CPS1: variants seen among roughly 807,000 people sequenced by gnomAD.
The protein encoded by CPS1 is carbamoyl-phosphate synthase 1.
In CPS1, 109 loss-of-function variants were observed where a neutral mutation model predicts 174.6. That is an observed-to-expected ratio of 0.62 (90% confidence interval 0.53 to 0.73). The LOEUF is 0.73. Ranked by LOEUF, CPS1 falls within the 30% of genes least tolerant of loss-of-function variation. The probability of loss-of-function intolerance (pLI) is 0.00; values close to 1 mark genes in which losing one functional copy is unlikely to be tolerated. For missense variants in CPS1, 1,689 were observed against 1,821.9 expected (o/e 0.93, Z 1.33); for synonymous variants, 637 against 632.0 (o/e 1.01, Z -0.12).
chr2:210,600,703 A>G lies in CPS1; in HGVS notation c.1698A>G (p.Ala566=), dbSNP rs2105840611. 2.5e-6 allele frequency: 4 copies of G among 1,611,992 alleles called. No individual in the cohort carries two copies. The highest frequency in any genetic ancestry group is 3.4e-6 in the Non-Finnish European group (4 of 1,178,596). The change falls in exon 15 of 38, where the codon GCA becomes GCG. Residue 566 remains alanine (A), a synonymous_variant. Transcript: ENST00000233072. ...ATGAAAAGATTGCTCCAAGTTTTGC[A>G]GTGGAATCGGTAAGGATTCTTTGCT... is the stretch of plus-strand genomic sequence containing the variant. ...EINEKIAPSF[A]VESIEDALKA...
At chr2:210,485,921 T>C (rs968022906) in intron 1 of CPS1, among the ~76,000 whole-genome samples, 4 of 152,112 alleles carry the variant, frequency 2.6e-5, no homozygotes, top group African/African-American at 9.7e-5. Context: ...ACGTACTTAC[T>C]TGTCAATACT....
At chr2:210,576,816 G>T (rs1697726526) in intron 3 of CPS1, among the ~76,000 whole-genome samples, 1 of 152,082 alleles carries the variant, frequency 6.6e-6, no homozygotes, top group Non-Finnish European at 1.5e-5. Flanking sequence ...AATGAATTCT[G>T]TATCAATTAT....
chr2:210,490,810 G>A lies in CPS1; in HGVS notation c.3+13044G>A, dbSNP rs541456591. Among the ~76,000 whole-genome samples, 19 of 152,318 alleles carry A rather than the reference G, an allele frequency of 1.2e-4. No individual in the cohort carries two copies. The South Asian group carries it at 3.9e-3, about 32-fold the overall frequency. ...ATGTACACAATGAAACTGTTGGTCTGTTATTGTAATTCTTGAAAATCTCAG... is the reference window on the plus strand; with the variant it reads ...ATGTACACAATGAAACTGTTGGTCTATTATTGTAATTCTTGAAAATCTCAG... On this transcript the variant is annotated intron_variant, in intron 1 of 38. Coordinates refer to the CPS1 transcript ENST00000430249.
At chr2:210,653,368 G>A (rs1255445479) in intron 28 of CPS1, among the ~76,000 whole-genome samples, 1 of 152,142 alleles carries the variant, frequency 6.6e-6, no homozygotes, top group Admixed American at 6.5e-5. Flanking sequence ...GGAAATGAGT[G>A]TGGGAAGCAC....
At chr2:210,490,361 A>T (rs995642609) in intron 1 of CPS1, among the ~76,000 whole-genome samples, 1 of 152,138 alleles carries the variant, frequency 6.6e-6, no homozygotes, top group South Asian at 2.1e-4. Flanking sequence ...AAGATTTTCT[A>T]TGTAGGCTTA....
At chr2:210,643,290 T>C (rs1362791244) in intron 25 of CPS1, among the ~76,000 whole-genome samples, 1 of 152,194 alleles carries the variant, frequency 6.6e-6, no homozygotes, top group Admixed American at 6.5e-5. Context: ...TGCAGATTAC[T>C]ATAAGACTGT....
intron 1 of CPS1, among the ~76,000 whole-genome samples, chr2:210,568,973 A>G (rs71420801): frequency 0.052 from 7,938 of 152,050 alleles, 286 homozygotes; most frequent in Middle Eastern, 0.11. Flanking sequence ...TTTTTCTACT[A>G]TAACTTTTCC....
intron 35 of CPS1, 32 bp from the exon 36 acceptor site, chr2:210,675,696 T>G: frequency 1.0e-6 from 1 of 960,088 alleles, no homozygotes; most frequent in Non-Finnish European, 1.7e-6. Context: ...ATCACTGTGA[T>G]ACGGTAATTG....
chr2:210,581,676 C>T (rs1414180607), intron 5 of CPS1, among the ~76,000 whole-genome samples: 1 of 152,062 alleles, frequency 6.6e-6, no homozygotes, highest in Non-Finnish European at 1.5e-5. Flanking sequence ...GTAGTGTTCC[C>T]AGACTTAGAG....
intron 1 of CPS1, among the ~76,000 whole-genome samples, chr2:210,516,762 T>C (rs10932339): frequency 0.41 from 61,705 of 151,800 alleles, 14,151 homozygotes; most frequent in Non-Finnish European, 0.53. Context: ...GTTCTCTCTA[T>C]CATCCCTTAC....
At chr2:210,486,618 C>A (rs1191329727) in intron 1 of CPS1, among the ~76,000 whole-genome samples, 2 of 152,220 alleles carry the variant, frequency 1.3e-5, no homozygotes, top group Non-Finnish European at 2.9e-5. Context: ...TCAAGCGATT[C>A]TCCTGCCTCA....
intron 1 of CPS1, among the ~76,000 whole-genome samples, chr2:210,480,395 C>T (rs796757870): frequency 8.5e-5 from 13 of 152,226 alleles, no homozygotes; most frequent in African/African-American, 3.1e-4. Context: ...GGAAGACTGA[C>T]TTTGGTGGAC....
At chr2:210,582,043 A>G (rs1697938096) in intron 5 of CPS1, among the ~76,000 whole-genome samples, 1 of 152,196 alleles carries the variant, frequency 6.6e-6, no homozygotes, top group Non-Finnish European at 1.5e-5. Context: ...AAAACTTTAC[A>G]GAGGGTTGAA....
In CPS1 at chr2:210,481,795, A is replaced by AC. The variant is rs1694577335; in HGVS notation, c.3+4029_3+4030insC. Among the ~76,000 whole-genome samples the AC allele has an allele frequency of 3.9e-5, 6 of 152,236 alleles. No individual in the cohort carries two copies. In the South Asian group the frequency reaches 1.2e-3, roughly 32 times the overall value. On this transcript the variant is annotated intron_variant, in intron 1 of 38. Coordinates refer to the CPS1 transcript ENST00000430249. Reference sequence around the variant, plus strand: ...CTGTAAGTAGAATGTAGTTCATAAGAAGTGGAGAAGCTGCTACTTCAGGGC... The same window carrying AC: ...CTGTAAGTAGAATGTAGTTCATAAGACAGTGGAGAAGCTGCTACTTCAGGGC...
At chr2:210,580,611 C>T (rs979053441) in intron 5 of CPS1, among the ~76,000 whole-genome samples, 1 of 152,004 alleles carries the variant, frequency 6.6e-6, no homozygotes, top group African/African-American at 2.4e-5. Flanking sequence ...CCTGTAATCC[C>T]AGCACTTTGG....
At position 210,656,540 on chromosome 2, in the gene CPS1, A is replaced by G. The variant is rs927079097; in HGVS notation, c.3574A>G (p.Ile1192Val). The G allele has an allele frequency of 3.1e-6, 5 of 1,596,976 alleles. No individual in the cohort carries two copies. Among genetic ancestry groups the G allele is most frequent in the Admixed American group, 3.5e-5 (2 of 57,820 alleles). Residue 1192 changes from isoleucine (I) to valine (V), a missense_variant, in exon 30 of 38, where the codon ATC (isoleucine) becomes GTC (valine). By Grantham distance (29) the Ile-to-Val change is conservative. Transcript: ENST00000233072. ...GKDGRVISHA[I>V]SEHVEDAGVH... is the part of the protein sequence containing the mutation. ...TTTTGGCCAGGTTATCTCTCATGCC[A>G]TCTCTGAACATGTTGAAGATGCAGG...
chr2:210,570,542 A>C (rs1466421027), intron 1 of CPS1, among the ~76,000 whole-genome samples: 5 of 151,982 alleles, frequency 3.3e-5, no homozygotes, highest in African/African-American at 1.2e-4. Context: ...ATATAAACAA[A>C]GGTAATATTT....
chr2:210,516,904 T>C (rs1695699712), intron 1 of CPS1, among the ~76,000 whole-genome samples: 1 of 152,010 alleles, frequency 6.6e-6, no homozygotes, highest in Admixed American at 6.6e-5. Flanking sequence ...TTACCACATC[T>C]ATGATATCAG....
chr2:210,547,100 T>C (rs1215464732), intron 1 of CPS1, among the ~76,000 whole-genome samples: 1 of 152,064 alleles, frequency 6.6e-6, no homozygotes, highest in Non-Finnish European at 1.5e-5. Flanking sequence ...CCCCACACCA[T>C]TGTGTTTGCC....
Sources: allele counts gnomAD v4.1 joint callset (sites outside exome capture counted in the v4.1 genomes callset), GRCh38; gene constraint gnomAD v4.1.1; transcripts MANE v1.5; gene names NCBI Gene and HGNC (gene_info 2026-07-23, HGNC 2026-07-21).